Variants in KICS2 observed in about 807,000 individuals in gnomAD.
KICS2 encodes the protein KICSTOR complex protein C12orf66.
KICS2 carries 13 observed loss-of-function variants against 31.4 expected under a neutral mutation model. That is an observed-to-expected ratio of 0.41 (90% CI 0.27 to 0.66). The LOEUF (loss-of-function observed/expected upper bound fraction) is 0.66. Among genes scored for constraint, KICS2 ranks in the 30% least tolerant of loss-of-function variants. KICS2 has a pLI of 0.28. For missense variants in KICS2, 455 were observed against 545.4 expected, an observed-to-expected ratio of 0.83 and a Z score of 1.65; for synonymous variants, 209 against 214.8, an observed-to-expected ratio of 0.97 and a Z score of 0.24.
intron 2 of KICS2, among the ~76,000 whole-genome samples, chr12:64,195,442 G>A (rs1276785158): frequency 6.6e-6 from 1 of 152,160 alleles, no homozygotes; most frequent in Non-Finnish European, 1.5e-5. Flanking sequence ...GCAGATGACA[G>A]TACCTACTAT....
At position 64,194,662 on chromosome 12, in the gene KICS2, A is replaced by C; in HGVS notation, c.522-4T>G. 1.2e-6 allele frequency: 2 copies of C among 1,602,406 alleles called. No individual in the cohort carries two copies. Among genetic ancestry groups the C allele is most frequent in the African/African-American group, 1.3e-5 (1 of 74,642 alleles). ...ACTGAGGATTGGGTGGTGAAATCTA[A>C]AGGGGAGAGGGAAATAGAGATAAGT... On this transcript the variant is annotated splice_polypyrimidine_tract_variant and splice_region_variant and intron_variant, in intron 2 of 2. Coordinates refer to ENST00000398055, the MANE Select transcript of KICS2 (RefSeq NM_152440.5).
chr12:64,206,308 A>G (rs2037538793), intron 2 of KICS2, among the ~76,000 whole-genome samples: 1 of 152,158 alleles, frequency 6.6e-6, no homozygotes, highest in African/African-American at 2.4e-5. Flanking sequence ...CTGCACCCAA[A>G]GTGATAAATT....
chr12:64,215,926 G>T lies in KICS2; in HGVS notation c.273C>A (p.Arg91=), dbSNP rs2037624438. 5 of 1,613,702 alleles carry T rather than the reference G, an allele frequency of 3.1e-6. No individual in the cohort carries two copies. Among genetic ancestry groups the T allele is most frequent in the Non-Finnish European group, 3.4e-6 (4 of 1,179,838 alleles). ...QSFFSRKDSI[R]TIYTSLHNEL... ...CATTATGCAATGAAGTATAGATGGT[G>T]CGGATGGAATCCTTCCTGCTGAAGA... Residue 91 remains arginine, a synonymous_variant, in exon 2 of 3, where the codon CGC becomes CGA. Transcript: ENST00000398055.
In KICS2 at chr12:64,211,613, C is replaced by T. The variant is rs573889292; in HGVS notation, c.521+4065G>A. Among the ~76,000 whole-genome samples the T allele has an allele frequency of 8.6e-5, 13 of 152,004 alleles. No homozygotes were observed. In the South Asian group the frequency reaches 1.2e-3, roughly 15 times the overall value. ...CAGCCTGGGCAACACGGCAAGACTC[C>T]GTCTTAAAGAAAAAAAAAACCTGCT... On this transcript the variant is annotated intron_variant, in intron 2 of 2. Coordinates refer to ENST00000398055, the MANE Select transcript of KICS2 (RefSeq NM_152440.5).
intron 2 of KICS2, among the ~76,000 whole-genome samples, chr12:64,212,921 C>CTCTACCAAAAATGCAAA: frequency 6.6e-6 from 1 of 151,984 alleles, no homozygotes; most frequent in East Asian, 1.9e-4. Flanking sequence ...GAAACCCTGT[C>CTCTACCAAAAATGCAAA]TCTACCAAAA....
chr12:64,216,005 G>C (rs2037625348), intron 1 of KICS2, 42 bp from the exon 2 acceptor site: 1 of 1,544,260 alleles, frequency 6.5e-7, no homozygotes, highest in African/African-American at 1.4e-5. Flanking sequence ...GTAAGAAGGA[G>C]AAACCGTAAG....
downstream of KICS2, chr12:64,186,654 T>C (rs973874160): frequency 6.6e-6 from 1 of 152,226 alleles, no homozygotes; most frequent in Non-Finnish European, 1.5e-5. Flanking sequence ...CAGAGTCTCA[T>C]GGTTTTTCCA....
At position 64,194,595 on chromosome 12, in the gene KICS2, A is replaced by G; in HGVS notation, c.585T>C (p.Cys195=). The change falls in exon 3 of 3, where the codon TGT becomes TGC. Residue 195 remains cysteine (C), a synonymous_variant. Coordinates refer to ENST00000398055, the MANE Select transcript of KICS2 (RefSeq NM_152440.5). ...CCTGGGCCTGGGCTTTCAGGAGATGACACAGGACGTCAACTTCCAGCTGGA... is the reference window on the plus strand; with the variant it reads ...CCTGGGCCTGGGCTTTCAGGAGATGGCACAGGACGTCAACTTCCAGCTGGA... ...SSFQLEVDVL[C]HLLKAQAQVS... The G allele has an allele frequency of 6.2e-7, 1 of 1,614,160 alleles. No homozygotes were observed. The highest frequency in any genetic ancestry group is 8.5e-7 in the Non-Finnish European group (1 of 1,180,030).
At chr12:64,194,774 G>T (rs949023324) in intron 2 of KICS2, 116 bp from the exon 3 acceptor site, 4 of 1,326,906 alleles carry the variant, frequency 3.0e-6, no homozygotes, top group Non-Finnish European at 4.0e-6. Flanking sequence ...TTCAGGACAG[G>T]GGAAGAAAAG....
chr12:64,205,543 T>C (rs2037528192), intron 2 of KICS2, among the ~76,000 whole-genome samples: 1 of 150,666 alleles, frequency 6.6e-6, no homozygotes, highest in Non-Finnish European at 1.5e-5. Context: ...AGAGTCTGAA[T>C]AGTCTTAATA....
chr12:64,221,821 C>A (rs993646426), intron 1 of KICS2, 182 bp downstream of exon 1: 4 of 701,418 alleles, frequency 5.7e-6, no homozygotes, highest in Non-Finnish European at 9.4e-6. Flanking sequence ...GCAGCGCAGG[C>A]CGGTGGGCGG....
intron 2 of KICS2, among the ~76,000 whole-genome samples, chr12:64,204,345 A>G (rs553287893): frequency 6.6e-5 from 10 of 152,236 alleles, no homozygotes; most frequent in Non-Finnish European, 1.5e-4. Flanking sequence ...CACATTCTGC[A>G]CATGTACCCC....
At chr12:64,217,861 GAAAGA>G (rs139652211) in intron 1 of KICS2, among the ~76,000 whole-genome samples, 6,759 of 148,416 alleles carry the variant, frequency 0.046, 494 homozygotes, top group African/African-American at 0.16. Context: ...AAAAGGAAAG[GAAAGA>G]AAAGAAAAGA....
At chr12:64,190,594 A>C (rs145209874), downstream of KICS2, among the ~76,000 whole-genome samples, 1 of 152,052 alleles carries the variant, frequency 6.6e-6, no homozygotes, top group Non-Finnish European at 1.5e-5. Flanking sequence ...GTGCGACCCT[A>C]TCTCTAAAAT....
intron 1 of KICS2, among the ~76,000 whole-genome samples, chr12:64,218,358 A>G (rs2037649236): frequency 6.6e-6 from 1 of 152,208 alleles, no homozygotes; most frequent in Non-Finnish European, 1.5e-5. Flanking sequence ...ATTACAGGCT[A>G]TGTTGATGTG....
chr12:64,222,100 G>A lies in KICS2; in HGVS notation c.138C>T (p.Ser46=). ...NVEKEREANK[S]AGGSWLSLLA... is the part of the protein sequence containing the mutation. ...GCAGCGACAGCCAGCTGCCCCCCGC[G>A]CTCTTGTTGGCCTCTCGTTCCTTCT... The change falls in exon 1 of 3, where the codon AGC becomes AGT. Residue 46 remains serine (S), a synonymous_variant. Coordinates refer to ENST00000398055, the MANE Select transcript of KICS2 (RefSeq NM_152440.5). The A allele has an allele frequency of 6.2e-7, 1 of 1,614,000 alleles. No individual in the cohort carries two copies. The highest frequency in any genetic ancestry group is 8.5e-7 in the Non-Finnish European group (1 of 1,179,938).
At chr12:64,215,657 C>A in intron 2 of KICS2, 21 bp downstream of exon 2, 1 of 1,594,862 alleles carries the variant, frequency 6.3e-7, no homozygotes, top group South Asian at 1.1e-5. Flanking sequence ...CGCTTTCTCC[C>A]TCCCTCCTCC....
intron 2 of KICS2, among the ~76,000 whole-genome samples, chr12:64,214,845 A>G (rs1208327920): frequency 6.6e-6 from 1 of 152,056 alleles, no homozygotes; most frequent in African/African-American, 2.4e-5. Flanking sequence ...TCCTCCACTA[A>G]GAATACTTAA....
chr12:64,189,535 G>A (rs896555573), downstream of KICS2, among the ~76,000 whole-genome samples: 9 of 152,168 alleles, frequency 5.9e-5, no homozygotes, highest in African/African-American at 9.7e-5. Flanking sequence ...AACCTTACAC[G>A]AGAAGTAAAC....
Sources: allele counts gnomAD v4.1 joint callset (sites outside exome capture counted in the v4.1 genomes callset), GRCh38; gene constraint gnomAD v4.1.1; transcripts MANE v1.5; gene names NCBI Gene and HGNC (gene_info 2026-07-23, HGNC 2026-07-21).